REV3L: variants seen among roughly 807,000 people sequenced by gnomAD.
REV3L encodes the protein DNA polymerase zeta catalytic subunit.
REV3L carries 69 observed loss-of-function variants against 299.4 expected under a neutral mutation model. The observed-to-expected ratio is 0.23, with a 90% confidence interval of 0.19 to 0.28. The LOEUF is 0.28. REV3L is among the 10% of genes least tolerant of loss of function. The probability of loss-of-function intolerance (pLI) is 1.00; values close to 1 mark genes in which losing one functional copy is unlikely to be tolerated. For missense variants in REV3L, 3,128 were observed against 3,693.8 expected (o/e 0.85, Z 3.97); for synonymous variants, 1,238 against 1,271.4 (o/e 0.97, Z 0.56).
chr6:111,399,509 T>G (rs1447676655), intron 4 of REV3L, among the ~76,000 whole-genome samples: 1 of 152,222 alleles, frequency 6.6e-6, no homozygotes, highest in Non-Finnish European at 1.5e-5. Flanking sequence ...GGATCCAATC[T>G]AGGACACCAC....
intron 1 of REV3L, chr6:111,430,755 TAGAG>T: frequency 1.3e-6 from 2 of 1,585,734 alleles, no homozygotes; most frequent in Non-Finnish European, 1.7e-6. Context: ...AGCAATAATT[TAGAG>T]AGAGCGCAGG....
chr6:111,412,030 C>A, intron 2 of REV3L: 1 of 985,336 alleles, frequency 1.0e-6, no homozygotes, highest in Non-Finnish European at 1.2e-6. Flanking sequence ...CAACAAAGTC[C>A]TTTACTTAAC....
intron 25 of REV3L, among the ~76,000 whole-genome samples, chr6:111,326,611 C>T (rs544750405): frequency 2.0e-5 from 3 of 148,566 alleles, no homozygotes; most frequent in Admixed American, 6.7e-5. Flanking sequence ...ATATACCCCC[C>T]CCAAAAAAAA....
Position 111,389,223 on chromosome 6 carries a change from T to C in REV3L, c.758-13A>G. On this transcript the variant is annotated splice_polypyrimidine_tract_variant and intron_variant, in intron 6 of 31. Coordinates refer to ENST00000368802, the MANE Select transcript of REV3L (RefSeq NM_001372078.1). ...CCACCAATTTGAGCTGTAATCACAATAATACTTCAATACTACAGGGTCAAA... is the reference window on the plus strand; with the variant it reads ...CCACCAATTTGAGCTGTAATCACAACAATACTTCAATACTACAGGGTCAAA... The C allele has an allele frequency of 6.3e-7, 1 of 1,586,872 alleles. No individual in the cohort carries two copies. The highest frequency in any genetic ancestry group is 1.7e-4 in the Middle Eastern group (1 of 6,002).
chr6:111,446,828 A>G (rs769808359), intron 1 of REV3L, among the ~76,000 whole-genome samples: 2 of 152,206 alleles, frequency 1.3e-5, no homozygotes, highest in Non-Finnish European at 2.9e-5. Context: ...AGTATTTGAT[A>G]CTGAGATTAG....
At chr6:111,336,703 A>G (rs1463048089) in intron 21 of REV3L, among the ~76,000 whole-genome samples, 1 of 152,192 alleles carries the variant, frequency 6.6e-6, no homozygotes, top group Admixed American at 6.5e-5. Context: ...GAAAGAGGGT[A>G]TCTACACAAA....
intron 25 of REV3L, among the ~76,000 whole-genome samples, chr6:111,326,611 C>CT (rs1388280145): frequency 6.7e-6 from 1 of 148,450 alleles, no homozygotes; most frequent in African/African-American, 2.4e-5. Context: ...ATATACCCCC[C>CT]CCAAAAAAAA....
Position 111,373,775 on chromosome 6 carries a change from A to G in REV3L, c.4580T>C (p.Leu1527Pro), listed in dbSNP as rs747600579. Residue 1527 changes from leucine to proline, a missense_variant, in exon 13 of 32, where the codon CTG (leucine) becomes CCG (proline). Transcript: ENST00000368802. ...PSAFGEGQSG[L>P]AVLKELLQKR... ...TTGTAACAATTCTTTTAGAACTGCCAGTCCAGACTGTCCTTCACCAAATGC... is the reference window on the plus strand; with the variant it reads ...TTGTAACAATTCTTTTAGAACTGCCGGTCCAGACTGTCCTTCACCAAATGC... The G allele has an allele frequency of 1.2e-6, 2 of 1,614,140 alleles. No individual in the cohort carries two copies. The highest frequency in any genetic ancestry group is 1.1e-5 in the South Asian group (1 of 91,082).
chr6:111,396,481 G>T (rs781109939), intron 4 of REV3L, among the ~76,000 whole-genome samples: 3 of 151,834 alleles, frequency 2.0e-5, no homozygotes, highest in Non-Finnish European at 4.4e-5. Context: ...TCTGATTTTG[G>T]TATCAGGATA....
chr6:111,450,478 CAAAAAAAAAAA>C (rs869119350), intron 1 of REV3L, among the ~76,000 whole-genome samples: 20 of 54,116 alleles, frequency 3.7e-4, no homozygotes, highest in African/African-American at 2.1e-3. Context: ...GACCCTGTCT[CAAAAAAAAAAA>C]AAAAAAAAAA....
intron 1 of REV3L, among the ~76,000 whole-genome samples, chr6:111,471,460 CA>C (rs1792195766): frequency 6.6e-6 from 1 of 152,114 alleles, no homozygotes; most frequent in Non-Finnish European, 1.5e-5. Context: ...ATACCTGCTA[CA>C]AAAATTCCAT....
intron 1 of REV3L, among the ~76,000 whole-genome samples, chr6:111,471,092 A>C (rs1407546708): frequency 6.6e-6 from 1 of 152,210 alleles, no homozygotes; most frequent in Non-Finnish European, 1.5e-5. Flanking sequence ...GGCAATAATA[A>C]ATCATTTAGT....
chr6:111,431,443 A>G, intron 1 of REV3L: 1 of 1,042,004 alleles, frequency 9.6e-7, no homozygotes, highest in Non-Finnish European at 1.5e-6. Context: ...GAGGAAGCTG[A>G]AATATTCCAG....
At chr6:111,311,021 GTGC>G in intron 29 of REV3L, 45 bp downstream of exon 29, 1 of 1,488,884 alleles carries the variant, frequency 6.7e-7, no homozygotes, top group Non-Finnish European at 9.1e-7. Flanking sequence ...TTCTAGACCT[GTGC>G]AGAATCTCAG....
At chr6:111,427,061 T>G (rs1297253267) in intron 1 of REV3L, among the ~76,000 whole-genome samples, 1 of 152,192 alleles carries the variant, frequency 6.6e-6, no homozygotes, top group Admixed American at 6.5e-5. Context: ...AAAAAAATTC[T>G]GATTATGACA....
intron 17 of REV3L, among the ~76,000 whole-genome samples, chr6:111,358,527 A>C (rs933149776): frequency 6.6e-6 from 1 of 152,142 alleles, no homozygotes; most frequent in Non-Finnish European, 1.5e-5. Flanking sequence ...TACAGGCACA[A>C]TCATAGTGCA....
At chr6:111,366,151 A>C (rs1467305110) in intron 14 of REV3L, among the ~76,000 whole-genome samples, 3 of 152,318 alleles carry the variant, frequency 2.0e-5, no homozygotes, top group East Asian at 3.9e-4. Flanking sequence ...AACTGAAAGA[A>C]GGCCAGATGG....
At chr6:111,348,181 C>A (rs1196337304) in intron 20 of REV3L, among the ~76,000 whole-genome samples, 3 of 152,052 alleles carry the variant, frequency 2.0e-5, no homozygotes, top group African/African-American at 7.2e-5. Context: ...GAACTCCTGG[C>A]CTCAAGCTAT....
chr6:111,319,564 GTTAGAATAAGACCTAGTATT>G (rs1283960836), intron 26 of REV3L, among the ~76,000 whole-genome samples: 1 of 152,122 alleles, frequency 6.6e-6, no homozygotes, highest in African/African-American at 2.4e-5. Flanking sequence ...CAAAAATGTA[GTTAGAATAAGACCTAGTATT>G]TGATAGCACA....
Sources: gnomAD v4.1 joint callset for allele counts (sites outside exome capture counted in the v4.1 genomes callset) on GRCh38, gnomAD v4.1.1 for gene constraint, MANE v1.5 for transcripts, NCBI Gene and HGNC (gene_info 2026-07-23, HGNC 2026-07-21) for gene names.